ZNF566: variants seen among roughly 807,000 people sequenced by gnomAD.
ZNF566 encodes the protein zinc finger protein 566.
In ZNF566, 27 loss-of-function variants were observed where a neutral mutation model predicts 32.8. That is an observed-to-expected ratio of 0.82 (90% CI 0.61 to 1.14). The LOEUF (loss-of-function observed/expected upper bound fraction) is 1.14. Among genes scored for constraint, ZNF566 ranks in the 50% most tolerant of loss-of-function variants. The pLI is 0.00. For missense variants in ZNF566, 402 were observed against 490.4 expected (o/e 0.82, Z 1.70); for synonymous variants, 154 against 159.5 (o/e 0.97, Z 0.26).
intron 4 of ZNF566, among the ~76,000 whole-genome samples, chr19:36,460,582 T>G (rs762260918): frequency 6.6e-6 from 1 of 152,106 alleles, no homozygotes; most frequent in Non-Finnish European, 1.5e-5. Context: ...AAGAAAAGAT[T>G]TAACATTTGT....
At chr19:36,467,951 C>T (rs915419645) in intron 4 of ZNF566, among the ~76,000 whole-genome samples, 14 of 150,962 alleles carry the variant, frequency 9.3e-5, no homozygotes, top group Non-Finnish European at 1.8e-4. Context: ...TTTGGGAGGC[C>T]GAGGCAGGCC....
At chr19:36,462,956 C>CAAAAAAAAAAAAAA (rs755283751) in intron 4 of ZNF566, among the ~76,000 whole-genome samples, 13 of 38,562 alleles carry the variant, frequency 3.4e-4, no homozygotes, top group Non-Finnish European at 4.0e-4. Flanking sequence ...GACTCTGTCT[C>CAAAAAAAAAAAAAA]AAAAAAAAAA....
intron 4 of ZNF566, among the ~76,000 whole-genome samples, chr19:36,465,294 C>T (rs2033583493): frequency 6.6e-6 from 1 of 152,134 alleles, no homozygotes; most frequent in Non-Finnish European, 1.5e-5. Flanking sequence ...TAATACAACA[C>T]TTGGAAAACA....
intron 4 of ZNF566, among the ~76,000 whole-genome samples, chr19:36,470,378 G>A (rs964215995): frequency 1.3e-5 from 2 of 152,062 alleles, no homozygotes; most frequent in African/African-American, 4.8e-5. Context: ...TCTTCCACAG[G>A]CTCTCCCTAA....
At chr19:36,477,684 T>C (rs1421576295) in intron 1 of ZNF566, among the ~76,000 whole-genome samples, 1 of 151,286 alleles carries the variant, frequency 6.6e-6, no homozygotes, top group South Asian at 2.1e-4. Flanking sequence ...GACTACAGGC[T>C]CCCGCCACCA....
chr19:36,446,220 G>A lies in ZNF566; in HGVS notation c.*2757C>T, dbSNP rs978506252. On this transcript the variant is annotated 3_prime_UTR_variant, in exon 5 of 5. Transcript: ENST00000452939. ...TATTATTCAGAAGAAAATTGACAGA[G>A]GGGAGGGAATGAGGAACGGAGAAGG... 2.0e-5 allele frequency: 3 copies of A among 151,810 alleles called. No homozygotes were observed. The highest frequency in any genetic ancestry group is 2.9e-5 in the Non-Finnish European group (2 of 67,992). 9.4% of individuals were successfully genotyped at this position (151,810 alleles called of 1,614,324 possible).
chr19:36,449,339 T>G lies in ZNF566; in HGVS notation c.895A>C (p.Thr299Pro). ...CCAGTATGAATTCTCTGATGTTGAGTAAAGTTTGAGCCACTACTAAAGGCC... is the reference window on the plus strand; with the variant it reads ...CCAGTATGAATTCTCTGATGTTGAGGAAAGTTTGAGCCACTACTAAAGGCC... Reference protein sequence around the residue: ...GKAFSSGSNFTQHQRIHTGEK... With the variant: ...GKAFSSGSNFPQHQRIHTGEK... The change falls in exon 5 of 5, where the codon ACT becomes CCT. Residue 299 changes from threonine to proline, a missense_variant. Transcript: ENST00000452939. The G allele has an allele frequency of 6.2e-7, 1 of 1,614,102 alleles. No homozygotes were observed. Among genetic ancestry groups the G allele is most frequent in the Non-Finnish European group, 8.5e-7 (1 of 1,180,004 alleles).
chr19:36,459,783 T>C (rs550282494), intron 4 of ZNF566, among the ~76,000 whole-genome samples: 1 of 151,368 alleles, frequency 6.6e-6, no homozygotes, highest in African/African-American at 2.4e-5. Flanking sequence ...AGTGCTGGGA[T>C]TACAGTCGTG....
intron 4 of ZNF566, among the ~76,000 whole-genome samples, chr19:36,465,724 C>T (rs1445225041): frequency 6.6e-5 from 10 of 151,912 alleles, no homozygotes; most frequent in Admixed American, 5.9e-4. Flanking sequence ...CCACCCACCT[C>T]GGCCTCCCAA....
intron 4 of ZNF566, among the ~76,000 whole-genome samples, chr19:36,466,730 C>T (rs1394352571): frequency 6.6e-6 from 1 of 152,090 alleles, no homozygotes; most frequent in Non-Finnish European, 1.5e-5. Flanking sequence ...GTAGAACATG[C>T]AAAGTCCCAT....
chr19:36,462,637 A>G (rs1382519517), intron 4 of ZNF566, among the ~76,000 whole-genome samples: 1 of 151,854 alleles, frequency 6.6e-6, no homozygotes, highest in Non-Finnish European at 1.5e-5. Flanking sequence ...AACAGGGGGG[A>G]AAATATAGAC....
Position 36,472,910 on chromosome 19 carries a change from C to T in ZNF566, c.232+1G>A, listed in dbSNP as rs1333918398. 2.5e-6 allele frequency: 4 copies of T among 1,612,030 alleles called. No individual in the cohort carries two copies. Among genetic ancestry groups the T allele is most frequent in the Non-Finnish European group, 3.4e-6 (4 of 1,179,240 alleles). On this transcript the variant is annotated splice_donor_variant, in intron 4 of 4. Transcript: ENST00000452939. LOFTEE classifies it high-confidence loss of function. ...CGCATTACCTGCTGTGCCTCACTTA[C>T]CTGGCCACTGGCCTCTTGTTAGCTC...
chr19:36,486,587 C>T (rs1184726684), intron 1 of ZNF566, among the ~76,000 whole-genome samples: 1 of 148,692 alleles, frequency 6.7e-6, no homozygotes, highest in Non-Finnish European at 1.5e-5. Flanking sequence ...AGGAGGATTG[C>T]TTGAACCTGG....
At chr19:36,487,442 T>C (rs1375228205) in intron 1 of ZNF566, among the ~76,000 whole-genome samples, 1 of 152,146 alleles carries the variant, frequency 6.6e-6, no homozygotes, top group Admixed American at 6.6e-5. Context: ...TACCCAAATA[T>C]CCATCAACAA....
At chr19:36,455,035 G>C (rs1294230640) in intron 4 of ZNF566, among the ~76,000 whole-genome samples, 1 of 152,158 alleles carries the variant, frequency 6.6e-6, no homozygotes, top group Non-Finnish European at 1.5e-5. Context: ...ACATGATCAA[G>C]TGAGATTTAT....
intron 1 of ZNF566, among the ~76,000 whole-genome samples, chr19:36,486,435 G>A (rs971385468): frequency 1.3e-5 from 2 of 152,086 alleles, no homozygotes; most frequent in Non-Finnish European, 2.9e-5. Context: ...ACTTTGGGAG[G>A]ACAAGGCAGT....
intron 1 of ZNF566, among the ~76,000 whole-genome samples, chr19:36,488,544 G>A (rs530580542): frequency 5.9e-5 from 9 of 152,272 alleles, no homozygotes; most frequent in African/African-American, 1.2e-4. Context: ...TATATGAACC[G>A]GCAATTCTGC....
intron 4 of ZNF566, among the ~76,000 whole-genome samples, chr19:36,450,270 G>T (rs936200559): frequency 2.0e-5 from 3 of 152,170 alleles, no homozygotes; most frequent in Admixed American, 1.3e-4. Context: ...GTTAAAGGAT[G>T]ACTCTAATCA....
chr19:36,470,209 A>G (rs1337741353), intron 4 of ZNF566, among the ~76,000 whole-genome samples: 2 of 152,132 alleles, frequency 1.3e-5, no homozygotes, highest in African/African-American at 4.8e-5. Context: ...TTTTCCTCCA[A>G]TGCTGATCTG....
Sources: allele counts gnomAD v4.1 joint callset (sites outside exome capture counted in the v4.1 genomes callset), GRCh38; gene constraint gnomAD v4.1.1; transcripts MANE v1.5; gene names NCBI Gene and HGNC (gene_info 2026-07-23, HGNC 2026-07-21).